PABPC3: variants seen among roughly 807,000 people sequenced by gnomAD.
PABPC3 encodes the protein poly(A) binding protein cytoplasmic 3, also known as polyadenylate-binding protein 3.
Under a neutral mutation model 43.0 loss-of-function variants are expected in PABPC3, and 43 were observed. The ratio of observed to expected loss-of-function variants is 1.00; its 90% confidence interval spans 0.78 to 1.29. The LOEUF is 1.29. Ranked by LOEUF, PABPC3 falls within the 50% of genes most tolerant of loss-of-function variation. The pLI is 0.00. For synonymous variants in PABPC3, 221 were observed against 274.6 expected (o/e 0.80, Z 1.93); for missense variants, 784 against 798.1 (o/e 0.98, Z 0.21).
chr13:25,096,998 AG>A, the PABPC3 span: 2 of 1,614,200 alleles, frequency 1.2e-6, no homozygotes, highest in Admixed American at 3.3e-5. Context: ...GGTCGAGCTC[AG>A]AAAAAAGTGG....
In PABPC3 at chr13:25,098,102, C is replaced by T; in HGVS notation, c.*8C>T. The T allele has an allele frequency of 6.2e-7, 1 of 1,607,484 alleles. No individual in the cohort carries two copies. Among genetic ancestry groups the T allele is most frequent in the Non-Finnish European group, 8.5e-7 (1 of 1,176,076 alleles). On this transcript the variant is annotated 3_prime_UTR_variant, in exon 1 of 1. Coordinates refer to ENST00000281589, the MANE Select transcript of PABPC3 (RefSeq NM_030979.3). ...GGTGTTCCAACTGTTTAAAATTGAT[C>T]AGAGACCACGAAAAGAAATTTGTGC... is the stretch of plus-strand genomic sequence containing the variant.
At position 25,097,442 on chromosome 13, in the gene PABPC3, C is replaced by G. The variant is rs756287216; in HGVS notation, c.1244C>G (p.Ala415Gly). The change falls in exon 1 of 1, where the codon GCA becomes GGA. Residue 415 changes from alanine (A) to glycine (G), a missense_variant. Physicochemically the swap from Ala to Gly is moderately conservative, Grantham distance 60. Coordinates refer to ENST00000281589, the MANE Select transcript of PABPC3 (RefSeq NM_030979.3). ...GTCCCACAGACTCAGAACCATGCTG[C>G]ATACTATCCTCCTAGCCAAATTGCT... is the stretch of plus-strand genomic sequence containing the variant. ...TAVPQTQNHA[A>G]YYPPSQIARL... The G allele has an allele frequency of 3.1e-6, 5 of 1,614,226 alleles. No homozygotes were observed. Among genetic ancestry groups the G allele is most frequent in the Non-Finnish European group, 4.2e-6 (5 of 1,180,044 alleles).
chr13:25,097,171 G>A lies in PABPC3; in HGVS notation c.973G>A (p.Val325Ile), dbSNP rs1181425076. 3 of 1,614,168 alleles carry A rather than the reference G, an allele frequency of 1.9e-6. No homozygotes were observed. The highest frequency in any genetic ancestry group is 2.5e-6 in the Non-Finnish European group (3 of 1,180,044). Reference protein sequence around the residue: ...SPFGTITSAKVMMEGGRSKGF... With the variant: ...SPFGTITSAKIMMEGGRSKGF... ...ATTTGGTACAATCACTAGTGCAAAGGTTATGATGGAAGGTGGTCGCAGCAA... is the reference window on the plus strand; with the variant it reads ...ATTTGGTACAATCACTAGTGCAAAGATTATGATGGAAGGTGGTCGCAGCAA... The change falls in exon 1 of 1, where the codon GTT becomes ATT. Residue 325 changes from valine (V) to isoleucine (I), a missense_variant. Val to Ile is a conservative substitution (Grantham distance 29). Coordinates refer to ENST00000281589, the MANE Select transcript of PABPC3 (RefSeq NM_030979.3).
In PABPC3 at chr13:25,097,704, G is replaced by A. The variant is rs147228466; in HGVS notation, c.1506G>A (p.Thr502=). 62 of 1,591,934 alleles carry A rather than the reference G, an allele frequency of 3.9e-5. No homozygotes were observed. The African/African-American group carries it at 7.0e-4, about 18-fold the overall frequency. Residue 502 remains threonine (T), a synonymous_variant, in exon 1 of 1, where the codon ACG becomes ACA. Coordinates refer to ENST00000281589, the MANE Select transcript of PABPC3 (RefSeq NM_030979.3). Reference sequence around the variant, plus strand: ...CTGCAGCTACCCCTGCTGTGCGCACGGTTCCACGGTATAAATATGCTGCGG... The same window carrying A: ...CTGCAGCTACCCCTGCTGTGCGCACAGTTCCACGGTATAAATATGCTGCGG... ...AAAAATPAVR[T]VPRYKYAAGV... is the part of the protein sequence containing the mutation.
At chr13:25,097,491 G>A in the PABPC3 span, 2 of 1,614,242 alleles carry the variant, frequency 1.2e-6, no homozygotes, top group African/African-American at 1.3e-5. Flanking sequence ...GTCCTCGCTG[G>A]ACTGCTCAGG....
In PABPC3 at chr13:25,096,746, T is replaced by G; in HGVS notation, c.548T>G (p.Leu183Arg). The part of the protein sequence containing the change: ...FKSRKEREAE[L>R]GARAKEFPNV... ...TCTCGTAAAGAACGAGAAGCTGAAC[T>G]TGGAGCTAGGGCAAAAGAGTTCCCC... The change falls in exon 1 of 1, where the codon CTT becomes CGT. Residue 183 changes from leucine (L) to arginine (R), a missense_variant. Transcript: ENST00000281589. 1 of 1,614,306 alleles carries G rather than the reference T, an allele frequency of 6.2e-7. No homozygotes were observed. The highest frequency in any genetic ancestry group is 8.5e-7 in the Non-Finnish European group (1 of 1,180,058).
Position 25,097,553 on chromosome 13 carries a change from C to G in PABPC3, c.1355C>G (p.Ala452Gly), listed in dbSNP as rs768976311. ...QNKPSAIRPG[A>G]PRVPFSTMRP... The stretch of plus-strand genomic sequence containing the variant: ...AAGCCCAGTGCTATCCGCCCAGGTG[C>G]TCCTAGAGTACCATTTAGTACTATG... The change falls in exon 1 of 1, where the codon GCT becomes GGT. Residue 452 changes from alanine to glycine, a missense_variant. Coordinates refer to ENST00000281589, the MANE Select transcript of PABPC3 (RefSeq NM_030979.3). The G allele has an allele frequency of 6.2e-7, 1 of 1,614,074 alleles. No individual in the cohort carries two copies. The highest frequency in any genetic ancestry group is 1.3e-5 in the African/African-American group (1 of 74,926).
chr13:25,097,347 G>A lies in PABPC3; in HGVS notation c.1149G>A (p.Met383Ile), dbSNP rs1956048188. Residue 383 changes from methionine to isoleucine, a missense_variant, in exon 1 of 1, where the codon ATG becomes ATA. Met to Ile is a conservative substitution (Grantham distance 10, BLOSUM62 1). Coordinates refer to ENST00000281589, the MANE Select transcript of PABPC3 (RefSeq NM_030979.3). ...AGGCTTACCTCACTAACGAGTATAT[G>A]CAGAGAATGGCAAGTGTACGAGCTG... ...ERQAYLTNEY[M>I]QRMASVRAVP... The A allele has an allele frequency of 6.2e-7, 1 of 1,614,238 alleles. No homozygotes were observed. Among genetic ancestry groups the A allele is most frequent in the Non-Finnish European group, 8.5e-7 (1 of 1,180,044 alleles).
chr13:25,096,871 G>C lies in PABPC3; in HGVS notation c.673G>C (p.Asp225His), dbSNP rs779631565. 1.2e-6 allele frequency: 2 copies of C among 1,614,272 alleles called. No individual in the cohort carries two copies. The highest frequency in any genetic ancestry group is 3.3e-4 in the Middle Eastern group (2 of 6,062). Reference protein sequence around the residue: ...GPALSVKVMTDESGKSKGFGF... With the variant: ...GPALSVKVMTHESGKSKGFGF... ...CGCCTTAAGTGTGAAAGTAATGACC[G>C]ATGAAAGTGGAAAATCCAAAGGATT... Residue 225 changes from aspartate (D) to histidine (H), a missense_variant, in exon 1 of 1, where the codon GAT (aspartate) becomes CAT (histidine). Physicochemically the swap from Asp to His is moderately conservative, Grantham distance 81. Transcript: ENST00000281589.
rs1956065305 is a variant in PABPC3 at position 25,098,968 on chromosome 13, G to A, written c.*874G>A. 6.0e-6 allele frequency: 1 copy of A among 166,726 alleles called. No homozygotes were observed. Among genetic ancestry groups the A allele is most frequent in the African/African-American group, 2.4e-5 (1 of 41,392 alleles). The allele number at this position is 166,726 out of a possible 1,614,324, so 10.3% of individuals were successfully genotyped here. A position where few individuals can be genotyped will look rare whatever the true frequency, so the allele number is the denominator to read the frequency against. ...AGTTATTTCTTGGTTTATCAATTTT[G>A]TAATTTAACTATTGACTTCCTGCTG... On this transcript the variant is annotated 3_prime_UTR_variant, in exon 1 of 1. Transcript: ENST00000281589.
chr13:25,097,077 T>G lies in PABPC3; in HGVS notation c.879T>G (p.Val293=), dbSNP rs1956044847. Residue 293 remains valine (V), a synonymous_variant, in exon 1 of 1, where the codon GTT becomes GTG. Coordinates refer to ENST00000281589, the MANE Select transcript of PABPC3 (RefSeq NM_030979.3). ...AAGATAGGATCACCAGATACCAGGTTGTTAATCTTTATGTGAAAAATCTTG... is the reference window on the plus strand; with the variant it reads ...AAGATAGGATCACCAGATACCAGGTGGTTAATCTTTATGTGAAAAATCTTG... The part of the protein sequence containing the change: ...MKQDRITRYQ[V]VNLYVKNLDD... 6.2e-7 allele frequency: 1 copy of G among 1,614,302 alleles called. No homozygotes were observed. Among genetic ancestry groups the G allele is most frequent in the East Asian group, 2.2e-5 (1 of 44,896 alleles).
Position 25,097,943 on chromosome 13 carries a change from A to G in PABPC3, c.1745A>G (p.Glu582Gly). ...LAGKITGMLL[E>G]IDNSELLYML... ...GGGAAAATCACTGGCATGTTGTTGG[A>G]GATTGATAATTCAGAACTTCTTTAT... Residue 582 changes from glutamate (E) to glycine (G), a missense_variant, in exon 1 of 1, where the codon GAG becomes GGG. Glu to Gly is a moderately conservative substitution (Grantham distance 98). Coordinates refer to ENST00000281589, the MANE Select transcript of PABPC3 (RefSeq NM_030979.3). The G allele has an allele frequency of 6.2e-7, 1 of 1,614,002 alleles. No individual in the cohort carries two copies. Among genetic ancestry groups the G allele is most frequent in the Non-Finnish European group, 8.5e-7 (1 of 1,179,876 alleles).
At chr13:25,097,613 C>G in the PABPC3 span, 1 of 1,614,240 alleles carries the variant, frequency 6.2e-7, no homozygotes, top group Non-Finnish European at 8.5e-7. Flanking sequence ...CGAGTCATGT[C>G]AACGCAGCGT....
In PABPC3 at chr13:25,098,215, A is replaced by G. The variant is rs1956059220; in HGVS notation, c.*121A>G. The G allele has an allele frequency of 1.1e-6, 1 of 900,444 alleles. No homozygotes were observed. Among genetic ancestry groups the G allele is most frequent in the Non-Finnish European group, 1.7e-6 (1 of 579,956 alleles). 55.8% of individuals were successfully genotyped at this position (900,444 alleles called of 1,614,324 possible). A position where few individuals can be genotyped will look rare whatever the true frequency, so the allele number is the denominator to read the frequency against. ...ATAAAAAATGCAAAATCTAAAATAA[A>G]AAATGGAAAGGAAACTTTGAACCTT... On this transcript the variant is annotated 3_prime_UTR_variant, in exon 1 of 1. Transcript: ENST00000281589.
At position 25,096,713 on chromosome 13, in the gene PABPC3, A is replaced by C; in HGVS notation, c.515A>C (p.Gln172Pro). The change falls in exon 1 of 1, where the codon CAA (glutamine) becomes CCA (proline). Residue 172 changes from glutamine (Q) to proline (P), a missense_variant. Physicochemically the swap from Gln to Pro is moderately conservative, Grantham distance 76. Transcript: ENST00000281589. ...LLNGRKVFVGQFKSRKEREAE... is the reference protein window; with the variant it reads ...LLNGRKVFVGPFKSRKEREAE... Reference sequence around the variant, plus strand: ...AATGGTCGCAAAGTATTTGTTGGACAATTTAAGTCTCGTAAAGAACGAGAA... The same window carrying C: ...AATGGTCGCAAAGTATTTGTTGGACCATTTAAGTCTCGTAAAGAACGAGAA... 6.6e-7 allele frequency: 1 copy of C among 1,524,350 alleles called. No homozygotes were observed. Among genetic ancestry groups the C allele is most frequent in the Non-Finnish European group, 8.9e-7 (1 of 1,117,418 alleles). 94.4% of individuals were successfully genotyped at this position (1,524,350 alleles called of 1,614,324 possible). A position where few individuals can be genotyped will look rare whatever the true frequency, so the allele number is the denominator to read the frequency against.
chr13:25,096,189 CG>C lies in PABPC3; in HGVS notation c.-9del, dbSNP rs777110611. On this transcript the variant is annotated 5_prime_UTR_variant, in exon 1 of 1. Coordinates refer to ENST00000281589, the MANE Select transcript of PABPC3 (RefSeq NM_030979.3). ...CGCGGCTTGTGTGCCTGCGGGCAGCCGTGCCGAGAATGAACCCCAGCACCCC... is the reference window on the plus strand; with the variant it reads ...CGCGGCTTGTGTGCCTGCGGGCAGCCTGCCGAGAATGAACCCCAGCACCCC... The C allele has an allele frequency of 6.2e-7, 1 of 1,605,710 alleles. No homozygotes were observed. The highest frequency in any genetic ancestry group is 8.5e-7 in the Non-Finnish European group (1 of 1,174,680).
chr13:25,096,235 C>T lies in PABPC3; in HGVS notation c.37C>T (p.Leu13Phe), dbSNP rs375031843. 1.2e-5 allele frequency: 19 copies of T among 1,614,066 alleles called. No individual in the cohort carries two copies. The highest frequency in any genetic ancestry group is 1.6e-5 in the Non-Finnish European group (19 of 1,180,010). ...PSTPSYPTAS[L>F]YVGDLHPDVT... ...CACCCCCAGCTACCCAACGGCCTCGCTCTACGTGGGGGACCTCCACCCCGA... is the reference window on the plus strand; with the variant it reads ...CACCCCCAGCTACCCAACGGCCTCGTTCTACGTGGGGGACCTCCACCCCGA... The change falls in exon 1 of 1, where the codon CTC (leucine) becomes TTC (phenylalanine). Residue 13 changes from leucine (L) to phenylalanine (F), a missense_variant. Coordinates refer to ENST00000281589, the MANE Select transcript of PABPC3 (RefSeq NM_030979.3).
rs369429079 is a variant in PABPC3 at position 25,096,613 on chromosome 13, G to A, written c.415G>A (p.Gly139Ser). Residue 139 changes from glycine (G) to serine (S), a missense_variant, in exon 1 of 1, where the codon GGT becomes AGT. Transcript: ENST00000281589. ...GGTTTGTGATGAAAATGGTTCCAAGGGTTATGGATTTGTACACTTTGAGAC... is the reference window on the plus strand; with the variant it reads ...GGTTTGTGATGAAAATGGTTCCAAGAGTTATGGATTTGTACACTTTGAGAC... The part of the protein sequence containing the change: ...NVVCDENGSK[G>S]YGFVHFETHE... The A allele has an allele frequency of 1.2e-4, 200 of 1,614,162 alleles. No homozygotes were observed. The highest frequency in any genetic ancestry group is 1.7e-4 in the Non-Finnish European group (195 of 1,180,058).
rs559352299 is a variant in PABPC3 at position 25,097,530 on chromosome 13, G to T, written c.1332G>T (p.Lys444Asn). 1.2e-6 allele frequency: 2 copies of T among 1,614,166 alleles called. No individual in the cohort carries two copies. The highest frequency in any genetic ancestry group is 2.2e-5 in the South Asian group (2 of 91,084). The change falls in exon 1 of 1, where the codon AAG becomes AAT. Residue 444 changes from lysine to asparagine, a missense_variant. Coordinates refer to ENST00000281589, the MANE Select transcript of PABPC3 (RefSeq NM_030979.3). ...QGARPHPFQN[K>N]PSAIRPGAPR... Reference sequence around the variant, plus strand: ...CCAGACCTCATCCATTCCAAAATAAGCCCAGTGCTATCCGCCCAGGTGCTC... The same window carrying T: ...CCAGACCTCATCCATTCCAAAATAATCCCAGTGCTATCCGCCCAGGTGCTC...
Sources: gnomAD v4.1 joint callset for allele counts on GRCh38, gnomAD v4.1.1 for gene constraint, MANE v1.5 for transcripts, NCBI Gene and HGNC (gene_info 2026-07-23, HGNC 2026-07-21) for gene names.